Variants in B3GALT1 observed in about 807,000 individuals in gnomAD.
The protein encoded by B3GALT1 is beta-1,3-galactosyltransferase 1.
In B3GALT1, 10 loss-of-function variants were observed where a neutral mutation model predicts 23.2. The ratio of observed to expected loss-of-function variants is 0.43; its 90% CI spans 0.27 to 0.73. The LOEUF is 0.73. B3GALT1 is among the 30% of genes least tolerant of loss of function. The pLI, the probability that B3GALT1 is intolerant of heterozygous loss-of-function variation, is 0.21. For missense variants in B3GALT1, 299 were observed against 405.4 expected, an observed-to-expected ratio of 0.74 and a Z score of 2.25; for synonymous variants, 156 against 141.5, an observed-to-expected ratio of 1.10 and a Z score of -0.73.
intron 3 of B3GALT1, among the ~76,000 whole-genome samples, chr2:167,806,651 TC>T (rs1040316995): frequency 2.0e-5 from 3 of 152,226 alleles, no homozygotes; most frequent in Non-Finnish European, 4.4e-5. Flanking sequence ...CAGCCTTGCA[TC>T]CCAGGGATGA....
intron 2 of B3GALT1, among the ~76,000 whole-genome samples, chr2:167,598,944 T>G (rs1356283524): frequency 1.3e-5 from 2 of 152,224 alleles, no homozygotes; most frequent in African/African-American, 2.4e-5. Flanking sequence ...TTTCTTTATC[T>G]TTTAGACTGT....
intron 3 of B3GALT1, among the ~76,000 whole-genome samples, chr2:167,721,578 G>A (rs1449259689): frequency 6.6e-6 from 1 of 152,196 alleles, no homozygotes; most frequent in Non-Finnish European, 1.5e-5. Context: ...GAAATTGATA[G>A]AACAAGAATC....
chr2:167,644,403 T>A (rs932675216), intron 2 of B3GALT1, among the ~76,000 whole-genome samples: 9 of 152,154 alleles, frequency 5.9e-5, no homozygotes, highest in African/African-American at 1.9e-4. Context: ...ACTGACATAA[T>A]TTTCCAGTAA....
chr2:167,464,426 T>C (rs1485015081), intron 1 of B3GALT1, among the ~76,000 whole-genome samples: 5 of 152,200 alleles, frequency 3.3e-5, no homozygotes, highest in Admixed American at 6.5e-5. Flanking sequence ...GAAGATTTTA[T>C]TTGATCAACT....
intron 4 of B3GALT1, among the ~76,000 whole-genome samples, chr2:167,846,198 A>G (rs567388430): frequency 6.6e-6 from 1 of 152,336 alleles, no homozygotes; most frequent in Admixed American, 6.5e-5. Flanking sequence ...AATCGAGGAA[A>G]ACTTCCCTGC....
intron 1 of B3GALT1, among the ~76,000 whole-genome samples, chr2:167,380,053 G>T (rs1244350873): frequency 2.6e-5 from 4 of 152,168 alleles, no homozygotes; most frequent in African/African-American, 9.7e-5. Context: ...AGTAAAGCGG[G>T]TCACACTGCA....
chr2:167,607,619 A>T (rs922257895), intron 2 of B3GALT1, among the ~76,000 whole-genome samples: 2 of 152,212 alleles, frequency 1.3e-5, no homozygotes, highest in African/African-American at 4.8e-5. Context: ...CTTTTAAAGC[A>T]CTTGTTAAGC....
At chr2:167,697,415 CA>C (rs1686805324) in intron 3 of B3GALT1, among the ~76,000 whole-genome samples, 1 of 152,200 alleles carries the variant, frequency 6.6e-6, no homozygotes, top group East Asian at 1.9e-4. Context: ...CTGCATTGGG[CA>C]ATTTGTGGTC....
chr2:167,867,215 C>T (rs57459420), intron 4 of B3GALT1, among the ~76,000 whole-genome samples: 8,023 of 152,100 alleles, frequency 0.053, 253 homozygotes, highest in Non-Finnish European at 0.065. Context: ...CGTGAGCCAC[C>T]GCGCCCGGCC....
chr2:167,642,390 T>C lies in B3GALT1; in HGVS notation c.-409-4519T>C, dbSNP rs533378997. ...ATTTTGGACTATAAAACCAGTTGTT[T>C]TGTCCATGTTCAATGGACTGATTAG... On this transcript the variant is annotated intron_variant, in intron 2 of 4. Coordinates refer to ENST00000392690, the MANE Select transcript of B3GALT1 (RefSeq NM_020981.4). Among the ~76,000 whole-genome samples, 9 of 152,342 alleles carry C rather than the reference T, an allele frequency of 5.9e-5. No homozygotes were observed. In the East Asian group the frequency reaches 1.7e-3, roughly 29 times the overall value.
intron 3 of B3GALT1, among the ~76,000 whole-genome samples, chr2:167,690,066 A>G (rs1432058950): frequency 6.6e-6 from 1 of 152,184 alleles, no homozygotes; most frequent in Non-Finnish European, 1.5e-5. Context: ...ATCTGTTTGC[A>G]TATTAGAGAC....
intron 3 of B3GALT1, among the ~76,000 whole-genome samples, chr2:167,758,091 T>C (rs1216451743): frequency 6.6e-6 from 1 of 152,030 alleles, no homozygotes; most frequent in Non-Finnish European, 1.5e-5. Context: ...TTATAATAGG[T>C]TTTTGGTTTT....
intron 3 of B3GALT1, among the ~76,000 whole-genome samples, chr2:167,706,984 G>C (rs546046419): frequency 2.5e-4 from 38 of 152,282 alleles, no homozygotes; most frequent in Non-Finnish European, 4.1e-4. Flanking sequence ...TTGCTCTCTT[G>C]GAATGCTTGA....
intron 3 of B3GALT1, among the ~76,000 whole-genome samples, chr2:167,659,050 T>C (rs559788125): frequency 6.6e-6 from 1 of 152,270 alleles, no homozygotes; most frequent in African/African-American, 2.4e-5. Context: ...TTATCACTAC[T>C]ATTCAATTGC....
At chr2:167,868,015 T>G (rs2105442827) in intron 4 of B3GALT1, among the ~76,000 whole-genome samples, 1 of 152,180 alleles carries the variant, frequency 6.6e-6, no homozygotes, top group South Asian at 2.1e-4. Context: ...AAAAAAAAAT[T>G]AAAAGGGCCA....
In B3GALT1 at chr2:167,507,809, A is replaced by G. The variant is rs180911303; in HGVS notation, c.-410+17532A>G. 2.2e-3 allele frequency among the ~76,000 whole-genome samples: 334 copies of G among 152,342 alleles called. 1 individual carries two copies. Among genetic ancestry groups the G allele is most frequent in the Admixed American group, 4.1e-3 (62 of 15,300 alleles). ...CATAATTGTCTTAACATTGCAAGAC[A>G]AATCATAATTGTCTTACTAATGACA... On this transcript the variant is annotated intron_variant, in intron 2 of 4. Coordinates refer to ENST00000392690, the MANE Select transcript of B3GALT1 (RefSeq NM_020981.4).
At chr2:167,554,186 A>G (rs1358123791) in intron 2 of B3GALT1, among the ~76,000 whole-genome samples, 1 of 152,230 alleles carries the variant, frequency 6.6e-6, no homozygotes, top group African/African-American at 2.4e-5. Context: ...AATGGGAATA[A>G]GAGCTGTACT....
chr2:167,386,240 C>A (rs897969121), intron 1 of B3GALT1, among the ~76,000 whole-genome samples: 1 of 152,000 alleles, frequency 6.6e-6, no homozygotes, highest in African/African-American at 2.4e-5. Flanking sequence ...CTCTGGGTAC[C>A]TGAGCAGGCC....
intron 2 of B3GALT1, among the ~76,000 whole-genome samples, chr2:167,496,319 G>A (rs1699782465): frequency 6.6e-6 from 1 of 152,134 alleles, no homozygotes; most frequent in Non-Finnish European, 1.5e-5. Flanking sequence ...TTTTGACTTG[G>A]CCTTACAGTG....
Sources: gnomAD v4.1 joint callset for allele counts (sites outside exome capture counted in the v4.1 genomes callset) on GRCh38, gnomAD v4.1.1 for gene constraint, MANE v1.5 for transcripts, NCBI Gene and HGNC (gene_info 2026-07-23, HGNC 2026-07-21) for gene names.